The following GLT1D1 variants were observed in gnomAD, a reference collection of about 807,000 sequenced individuals.
GLT1D1 encodes the protein glycosyltransferase 1 domain containing 1, also known as glycosyltransferase 1 domain-containing protein 1.
A neutral mutation model predicts 28.7 loss-of-function variants in GLT1D1; 21 were observed. The observed-to-expected ratio is 0.73, with a 90% CI of 0.52 to 1.05. GLT1D1 has a LOEUF of 1.05. GLT1D1 is among the 50% of genes least tolerant of loss of function. The pLI is 0.00. For synonymous variants in GLT1D1, 147 were observed against 124.8 expected (o/e 1.18, Z -1.19); for missense variants, 343 against 330.6 (o/e 1.04, Z -0.29).
Position 128,853,489 on chromosome 12 carries a change from C to A in GLT1D1, c.-93C>A. 1.1e-6 allele frequency: 1 copy of A among 952,198 alleles called. No individual in the cohort carries two copies. The highest frequency in any genetic ancestry group is 1.3e-6 in the Non-Finnish European group (1 of 796,446). The allele number at this position is 952,198 out of a possible 1,614,324, so 59.0% of individuals were successfully genotyped here. A position where few individuals can be genotyped will look rare whatever the true frequency, so the allele number is the denominator to read the frequency against. ...GAGGGGCGGGCGGGACAGACCCAGC[C>A]GCCCCGGCTCCCCCGCCGTCCGCGT... is the stretch of plus-strand genomic sequence containing the variant. On this transcript the variant is annotated 5_prime_UTR_variant, in exon 1 of 8. Transcript: ENST00000281703.
At chr12:128,958,974 A>T (rs1362163883) in intron 7 of GLT1D1, among the ~76,000 whole-genome samples, 4 of 150,562 alleles carry the variant, frequency 2.7e-5, no homozygotes, top group Non-Finnish European at 5.9e-5. Flanking sequence ...AGTAGCTGGG[A>T]CTACAGGCAT....
Position 128,853,664 on chromosome 12 carries a change from C to A in GLT1D1, c.68+15C>A. ...CAGCGCGTTCGGTAGGTGCAGGGCG[C>A]CGGGGCCTACGAAGCCTGGGCCGGG... On this transcript the variant is annotated intron_variant, in intron 1 of 7. Coordinates refer to ENST00000281703, the MANE Select transcript of GLT1D1 (RefSeq NM_144669.3). 9.1e-7 allele frequency: 1 copy of A among 1,102,878 alleles called. No homozygotes were observed. The allele number at this position is 1,102,878 out of a possible 1,614,324, so 68.3% of individuals were successfully genotyped here.
Position 128,886,643 on chromosome 12 carries a change from T to C in GLT1D1, c.218-1996T>C, listed in dbSNP as rs1301912533. 3.3e-5 allele frequency among the ~76,000 whole-genome samples: 5 copies of C among 152,120 alleles called. No individual in the cohort carries two copies. The East Asian group carries it at 9.7e-4, about 29-fold the overall frequency. The stretch of plus-strand genomic sequence containing the variant: ...AGCCATCAGGCTGGTGAGGTCTTCC[T>C]CACTCTGAACTTGATTCTCTGGCCT... On this transcript the variant is annotated intron_variant, in intron 2 of 7. Coordinates refer to ENST00000281703, the MANE Select transcript of GLT1D1 (RefSeq NM_144669.3).
Position 128,879,458 on chromosome 12 carries a change from CTTT to C in GLT1D1, c.217+3402_217+3404del, listed in dbSNP as rs796391633. ...TCTTTCTTTCTTTCTTTCTTTCTTTCTTTTTTTTGGGGGGGTGGGCAGAGTCTC... is the reference window on the plus strand; with the variant it reads ...TCTTTCTTTCTTTCTTTCTTTCTTTCTTTTTGGGGGGGTGGGCAGAGTCTC... On this transcript the variant is annotated intron_variant, in intron 2 of 7. Transcript: ENST00000281703. Among the ~76,000 whole-genome samples the C allele has an allele frequency of 2.6e-4, 23 of 88,292 alleles. No homozygotes were observed. The East Asian group carries it at 4.3e-3, about 17-fold the overall frequency. 57.9% of individuals were successfully genotyped at this position (88,292 alleles called of 152,430 possible).
chr12:128,890,748 C>T (rs972261694), intron 3 of GLT1D1, among the ~76,000 whole-genome samples: 1 of 150,496 alleles, frequency 6.6e-6, no homozygotes, highest in Non-Finnish European at 1.5e-5. Flanking sequence ...CATGTAATCC[C>T]AGCATTTTGG....
intron 1 of GLT1D1, among the ~76,000 whole-genome samples, chr12:128,858,686 AT>A (rs1399420082): frequency 6.6e-6 from 1 of 151,956 alleles, no homozygotes; most frequent in East Asian, 1.9e-4. Context: ...AAAAAAAAAA[AT>A]CTCCATTAAC....
chr12:128,974,203 G>A (rs1001450663), intron 7 of GLT1D1, among the ~76,000 whole-genome samples: 1 of 152,106 alleles, frequency 6.6e-6, no homozygotes, highest in Non-Finnish European at 1.5e-5. Context: ...ATGCAGTCGG[G>A]ACCCACCTGC....
intron 4 of GLT1D1, among the ~76,000 whole-genome samples, chr12:128,934,969 A>T (rs112632283): frequency 1.5e-4 from 22 of 150,784 alleles, no homozygotes; most frequent in South Asian, 2.1e-4. Flanking sequence ...GGGGTCCAGG[A>T]CAGGGTCCTG....
intron 4 of GLT1D1, among the ~76,000 whole-genome samples, chr12:128,912,796 G>A (rs1351478685): frequency 6.6e-6 from 1 of 151,978 alleles, no homozygotes; most frequent in Non-Finnish European, 1.5e-5. Flanking sequence ...CCCAGTAGCT[G>A]GGACTATAGG....
chr12:128,948,150 C>G (rs536639369), intron 6 of GLT1D1, among the ~76,000 whole-genome samples: 55 of 152,258 alleles, frequency 3.6e-4, no homozygotes, highest in African/African-American at 1.3e-3. Flanking sequence ...TGTAAAAGAT[C>G]CTGGCAATCC....
At chr12:128,857,431 G>A (rs971670245) in intron 1 of GLT1D1, among the ~76,000 whole-genome samples, 15 of 152,166 alleles carry the variant, frequency 9.9e-5, no homozygotes, top group East Asian at 3.9e-4. Flanking sequence ...CAGACCAGGC[G>A]TTTGTTGTCC....
chr12:128,950,405 C>T (rs1326516925), intron 6 of GLT1D1, among the ~76,000 whole-genome samples: 1 of 152,188 alleles, frequency 6.6e-6, no homozygotes, highest in Non-Finnish European at 1.5e-5. Context: ...TATGTAAGAT[C>T]CGAATGTGCT....
At chr12:128,868,413 T>A (rs372721183) in intron 1 of GLT1D1, among the ~76,000 whole-genome samples, 7,262 of 152,106 alleles carry the variant, frequency 0.048, 252 homozygotes, top group Middle Eastern at 0.099. Context: ...GGTCGAGGTA[T>A]TAGGAAGGAG....
chr12:128,903,717 G>GA (rs1870548650), intron 4 of GLT1D1, among the ~76,000 whole-genome samples: 6 of 151,236 alleles, frequency 4.0e-5, no homozygotes, highest in Non-Finnish European at 1.5e-5. Context: ...AGAACCTTTT[G>GA]GTTTTTTTAA....
chr12:128,854,122 A>G (rs902837086), intron 1 of GLT1D1, among the ~76,000 whole-genome samples: 7 of 150,392 alleles, frequency 4.7e-5, no homozygotes, highest in Admixed American at 1.3e-4. Context: ...TCCCTTTCCC[A>G]CCTCCCCTCT....
chr12:128,907,648 G>A (rs1279708799), intron 4 of GLT1D1, among the ~76,000 whole-genome samples: 1 of 152,152 alleles, frequency 6.6e-6, no homozygotes, highest in Non-Finnish European at 1.5e-5. Flanking sequence ...GCCCTCATTG[G>A]AGATTTCTGG....
At chr12:128,914,470 C>T (rs1025297657) in intron 4 of GLT1D1, among the ~76,000 whole-genome samples, 19 of 152,118 alleles carry the variant, frequency 1.2e-4, no homozygotes, top group African/African-American at 4.1e-4. Flanking sequence ...ACTTCAGTGA[C>T]ACACTCAGAG....
At chr12:128,956,653 CTTA>C (rs1565911567) in intron 6 of GLT1D1, among the ~76,000 whole-genome samples, 1 of 152,196 alleles carries the variant, frequency 6.6e-6, no homozygotes, top group African/African-American at 2.4e-5. Context: ...TCTATCTACA[CTTA>C]TTATATGTGC....
chr12:128,933,468 T>G (rs1321978058), intron 4 of GLT1D1, among the ~76,000 whole-genome samples: 1 of 152,278 alleles, frequency 6.6e-6, no homozygotes, highest in African/African-American at 2.4e-5. Context: ...TGCTGTTCTA[T>G]TCTACGTCAT....
Sources: allele counts gnomAD v4.1 joint callset (sites outside exome capture counted in the v4.1 genomes callset), GRCh38; gene constraint gnomAD v4.1.1; transcripts MANE v1.5; gene names NCBI Gene and HGNC (gene_info 2026-07-23, HGNC 2026-07-21).